Variants in MALSU1 observed in about 807,000 individuals in gnomAD.
The protein encoded by MALSU1 is mitochondrial assembly of ribosomal large subunit 1.
A neutral mutation model predicts 22.1 loss-of-function variants in MALSU1; 22 were observed. That is an observed-to-expected ratio of 1.00 (90% CI 0.71 to 1.42). The LOEUF is 1.42. Ranked by LOEUF, MALSU1 falls within the 40% of genes most tolerant of loss-of-function variation. The pLI, the probability that MALSU1 is intolerant of heterozygous loss-of-function variation, is 0.00. For synonymous variants in MALSU1, 153 were observed against 118.5 expected, an observed-to-expected ratio of 1.29 and a Z score of -1.89; for missense variants, 379 against 308.3, an observed-to-expected ratio of 1.23 and a Z score of -1.72.
intron 2 of MALSU1, among the ~76,000 whole-genome samples, chr7:23,303,693 C>A (rs149646290): frequency 0.01 from 1,536 of 151,714 alleles, 30 homozygotes; most frequent in African/African-American, 0.035. Flanking sequence ...GCCTGTAGTC[C>A]CAGCTACTTG....
Position 23,311,060 on chromosome 7 carries a change from G to C in MALSU1, c.*1517G>C, listed in dbSNP as rs987245248. The C allele has an allele frequency of 2.0e-4, 30 of 151,726 alleles. No homozygotes were observed. The highest frequency in any genetic ancestry group is 2.0e-4 in the Admixed American group (3 of 15,228). 9.4% of individuals were successfully genotyped at this position (151,726 alleles called of 1,614,324 possible). A position where few individuals can be genotyped will look rare whatever the true frequency, so the allele number is the denominator to read the frequency against. Reference sequence around the variant, plus strand: ...CTTTTGACTTTTTTTTCAAAGAACTGATTGCACAGTATACAGAAATCCTGT... The same window carrying C: ...CTTTTGACTTTTTTTTCAAAGAACTCATTGCACAGTATACAGAAATCCTGT... On this transcript the variant is annotated 3_prime_UTR_variant, in exon 4 of 4. Transcript: ENST00000466681.
rs938402312 is a variant in MALSU1 at position 23,299,451 on chromosome 7, G to A, written c.99G>A (p.Gly33=). 3.7e-6 allele frequency: 6 copies of A among 1,607,330 alleles called. No homozygotes were observed. Among genetic ancestry groups the A allele is most frequent in the Non-Finnish European group, 4.2e-6 (5 of 1,179,246 alleles). The stretch of plus-strand genomic sequence containing the variant: ...GGTCCGCGGTTGGAGCCGAGCCCGG[G>A]CTTCGGCTGCTGGCCGTGCAGCGGC... ...VAGSAVGAEP[G]LRLLAVQRLP... is the part of the protein sequence containing the mutation. Residue 33 remains glycine (G), a synonymous_variant, in exon 1 of 4, where the codon GGG becomes GGA. Coordinates refer to ENST00000466681, the MANE Select transcript of MALSU1 (RefSeq NM_138446.2).
rs572080754 is a variant in MALSU1, at chr7:23,299,518, A to T, written c.166A>T (p.Asn56Tyr). ...GTTCTGCCGGGCTTGCCAGACCCCA[A>T]ACTTTGTCCGCGGCCTGCACAGCGA... The part of the protein sequence containing the change: ...AAFCRACQTP[N>Y]FVRGLHSEPG... Residue 56 changes from asparagine to tyrosine, a missense_variant, in exon 1 of 4, where the codon AAC becomes TAC. Physicochemically the swap from Asn to Tyr is moderately radical, Grantham distance 143 (BLOSUM62 -2). Coordinates refer to ENST00000466681, the MANE Select transcript of MALSU1 (RefSeq NM_138446.2). 1 of 1,612,780 alleles carries T rather than the reference A, an allele frequency of 6.2e-7. No homozygotes were observed.
chr7:23,309,155 T>C (rs1226038774), intron 3 of MALSU1, among the ~76,000 whole-genome samples: 1 of 152,252 alleles, frequency 6.6e-6, no homozygotes, highest in Admixed American at 6.5e-5. Context: ...TATTGACATA[T>C]GCCTCCTGTA....
chr7:23,301,160 AT>A (rs1246864213), intron 2 of MALSU1, 143 bp downstream of exon 2: 1 of 679,134 alleles, frequency 1.5e-6, no homozygotes, highest in African/African-American at 1.8e-5. Flanking sequence ...GCATGAATTC[AT>A]TTTATGTTCT....
At position 23,309,954 on chromosome 7, in the gene MALSU1, G is replaced by GTGATTGA. The variant is rs138011242; in HGVS notation, c.*415_*416insTGATGAT. 1 of 152,448 alleles carries GTGATTGA rather than the reference G, an allele frequency of 6.6e-6. No homozygotes were observed. The highest frequency in any genetic ancestry group is 2.4e-5 in the African/African-American group (1 of 41,324). The allele number at this position is 152,448 out of a possible 1,614,324, so 9.4% of individuals were successfully genotyped here. A position where few individuals can be genotyped will look rare whatever the true frequency, so the allele number is the denominator to read the frequency against. ...ACTGGTCTTATTTTTATACTTTGAG[G>GTGATTGA]TGATAATATTCTTCTAGGAGGACTT... On this transcript the variant is annotated 3_prime_UTR_variant, in exon 4 of 4. Transcript: ENST00000466681.
In MALSU1 at chr7:23,301,003, T is replaced by C; in HGVS notation, c.421T>C (p.Tyr141His). Residue 141 changes from tyrosine (Y) to histidine (H), a missense_variant, in exon 2 of 4, where the codon TAC (tyrosine) becomes CAC (histidine). By Grantham distance (83) the Tyr-to-His change is moderately conservative (BLOSUM62 2). Coordinates refer to ENST00000466681, the MANE Select transcript of MALSU1 (RefSeq NM_138446.2). ...STRHLHAMAF[Y>H]VVKMYKHLKC... ...CCGACACTTACATGCCATGGCCTTC[T>C]ACGTTGTGAAAATGGTAGGATGCTT... The C allele has an allele frequency of 6.2e-7, 1 of 1,613,066 alleles. No individual in the cohort carries two copies. The highest frequency in any genetic ancestry group is 8.5e-7 in the Non-Finnish European group (1 of 1,179,394).
chr7:23,300,467 G>T (rs1377967407), intron 1 of MALSU1, among the ~76,000 whole-genome samples: 1 of 152,116 alleles, frequency 6.6e-6, no homozygotes, highest in Non-Finnish European at 1.5e-5. Flanking sequence ...ATATGCTCCA[G>T]GATATCACCT....
chr7:23,304,029 C>T (rs565565638), intron 2 of MALSU1, among the ~76,000 whole-genome samples: 1 of 151,770 alleles, frequency 6.6e-6, no homozygotes, highest in East Asian at 1.9e-4. Flanking sequence ...TCGCTTGAAC[C>T]TGGGAGGTGG....
Position 23,299,583 on chromosome 7 carries a change from G to C in MALSU1, c.231G>C (p.Glu77Asp). ...LEERAEGTVNEGRPESDAADH... is the reference protein window; with the variant it reads ...LEERAEGTVNDGRPESDAADH... ...AGCGGGCGGAGGGGACGGTCAACGA[G>C]GGACGCCCAGAATCGGACGCGGCAG... is the stretch of plus-strand genomic sequence containing the variant. Residue 77 changes from glutamate (E) to aspartate (D), a missense_variant, in exon 1 of 4, where the codon GAG becomes GAC. Transcript: ENST00000466681. The C allele has an allele frequency of 1.9e-6, 3 of 1,598,036 alleles. No homozygotes were observed. Among genetic ancestry groups the C allele is most frequent in the Non-Finnish European group, 2.6e-6 (3 of 1,172,724 alleles).
chr7:23,300,192 C>T (rs536910826), intron 1 of MALSU1, among the ~76,000 whole-genome samples: 3 of 151,924 alleles, frequency 2.0e-5, no homozygotes, highest in Non-Finnish European at 2.9e-5. Flanking sequence ...AGCTGAAGAT[C>T]AGAATATCTA....
intron 3 of MALSU1, 117 bp from the exon 4 acceptor site, chr7:23,309,239 G>T (rs1783769222): frequency 1.1e-6 from 1 of 920,614 alleles, no homozygotes; most frequent in African/African-American, 1.7e-5. Flanking sequence ...ATGCTAATCT[G>T]GGAACCACAC....
At position 23,310,000 on chromosome 7, in the gene MALSU1, T is replaced by G. The variant is rs1471073446; in HGVS notation, c.*457T>G. ...GACTTCTGTAACCCTTCCAGAATAC[T>G]CCAGTAACACAAGAAAGTAAACAAA... On this transcript the variant is annotated 3_prime_UTR_variant, in exon 4 of 4. Coordinates refer to ENST00000466681, the MANE Select transcript of MALSU1 (RefSeq NM_138446.2). The G allele has an allele frequency of 6.6e-6, 1 of 151,400 alleles. No individual in the cohort carries two copies. The highest frequency in any genetic ancestry group is 1.5e-5 in the Non-Finnish European group (1 of 68,118). 9.4% of individuals were successfully genotyped at this position (151,400 alleles called of 1,614,324 possible). A position where few individuals can be genotyped will look rare whatever the true frequency, so the allele number is the denominator to read the frequency against.
At chr7:23,300,459 A>G (rs1783626867) in intron 1 of MALSU1, among the ~76,000 whole-genome samples, 1 of 152,132 alleles carries the variant, frequency 6.6e-6, no homozygotes, top group South Asian at 2.1e-4. Context: ...TCAATTTAAT[A>G]TGCTCCAGGA....
intron 2 of MALSU1, among the ~76,000 whole-genome samples, chr7:23,307,525 A>G (rs970647433): frequency 2.6e-5 from 4 of 152,168 alleles, no homozygotes; most frequent in Admixed American, 2.0e-4. Flanking sequence ...TGCAGCCCCT[A>G]AAGGTGAAGG....
intron 2 of MALSU1, among the ~76,000 whole-genome samples, chr7:23,305,340 T>C (rs919009375): frequency 1.3e-5 from 2 of 152,190 alleles, no homozygotes; most frequent in African/African-American, 2.4e-5. Context: ...ACTCCAACTT[T>C]GTTCTTTTAC....
intron 3 of MALSU1, among the ~76,000 whole-genome samples, chr7:23,309,105 T>C (rs1391341618): frequency 6.6e-6 from 1 of 152,196 alleles, no homozygotes; most frequent in African/African-American, 2.4e-5. Flanking sequence ...CTGACACCAT[T>C]AGTCTCTTTG....
chr7:23,307,778 AC>A (rs145055841), intron 2 of MALSU1, 89 bp from the exon 3 acceptor site: 18,765 of 786,674 alleles, frequency 0.024, 370 homozygotes, highest in African/African-American at 0.093. Context: ...ATTAAAAAAA[AC>A]AAACAAACAA....
Position 23,310,534 on chromosome 7 carries a change from C to A in MALSU1, c.*991C>A, listed in dbSNP as rs1783798840. The A allele has an allele frequency of 6.6e-6, 1 of 152,066 alleles. No individual in the cohort carries two copies. The highest frequency in any genetic ancestry group is 1.5e-5 in the Non-Finnish European group (1 of 68,018). The allele number at this position is 152,066 out of a possible 1,614,324, so 9.4% of individuals were successfully genotyped here. A position where few individuals can be genotyped will look rare whatever the true frequency, so the allele number is the denominator to read the frequency against. ...CTGAGAAAAGCTCTGGCCTTAAACA[C>A]ATCTTACCTGAAATCCAACCAGAAA... On this transcript the variant is annotated 3_prime_UTR_variant, in exon 4 of 4. Coordinates refer to ENST00000466681, the MANE Select transcript of MALSU1 (RefSeq NM_138446.2).
Sources: allele counts gnomAD v4.1 joint callset (sites outside exome capture counted in the v4.1 genomes callset), GRCh38; gene constraint gnomAD v4.1.1; transcripts MANE v1.5; gene names NCBI Gene and HGNC (gene_info 2026-07-23, HGNC 2026-07-21).